TMPRSS11F: variants seen among roughly 807,000 people sequenced by gnomAD.
TMPRSS11F encodes the protein transmembrane serine protease 11F.
In TMPRSS11F, 47 loss-of-function variants were observed where a neutral mutation model predicts 60.2. The observed-to-expected ratio is 0.78, with a 90% CI of 0.62 to 1.00. The LOEUF is 1.00. Among genes scored for constraint, TMPRSS11F ranks in the 50% least tolerant of loss-of-function variants. TMPRSS11F has a pLI of 0.00. For missense variants in TMPRSS11F, 519 were observed against 522.9 expected (o/e 0.99, Z 0.07); for synonymous variants, 166 against 167.3 (o/e 0.99, Z 0.06).
intron 8 of TMPRSS11F, chr4:68,062,572 A>G: frequency 1.2e-6 from 1 of 844,654 alleles, no homozygotes; most frequent in Non-Finnish European, 2.1e-6. Flanking sequence ...CCTGCCATCT[A>G]CGTACTTGCC....
intron 9 of TMPRSS11F, among the ~76,000 whole-genome samples, chr4:68,058,822 C>T (rs1723097381): frequency 1.3e-5 from 2 of 152,136 alleles, no homozygotes; most frequent in African/African-American, 4.8e-5. Flanking sequence ...AAGGAAGATG[C>T]AAATGAGCAC....
intron 3 of TMPRSS11F, among the ~76,000 whole-genome samples, chr4:68,074,913 A>G (rs752658132): frequency 6.6e-6 from 1 of 152,212 alleles, no homozygotes; most frequent in African/African-American, 2.4e-5. Flanking sequence ...CCTGGGCAAC[A>G]TGGCAAACTC....
intron 1 of TMPRSS11F, among the ~76,000 whole-genome samples, chr4:68,105,809 CAAAATGACGTCTAG>C (rs1263832735): frequency 1.3e-5 from 2 of 152,128 alleles, no homozygotes; most frequent in Non-Finnish European, 2.9e-5. Context: ...GCAAAATGAA[CAAAATGACGTCTAG>C]AAGCATAAAC....
intron 3 of TMPRSS11F, among the ~76,000 whole-genome samples, chr4:68,076,831 C>T (rs1723593447): frequency 6.6e-6 from 1 of 152,216 alleles, no homozygotes; most frequent in Non-Finnish European, 1.5e-5. Context: ...CGAGCAAAAA[C>T]AGGCATCACT....
intron 9 of TMPRSS11F, among the ~76,000 whole-genome samples, chr4:68,054,441 A>G (rs1323194741): frequency 1.3e-5 from 2 of 152,016 alleles, no homozygotes; most frequent in African/African-American, 2.4e-5. Flanking sequence ...AAATGCTGTC[A>G]CCTTGATTGT....
chr4:68,084,905 C>A (rs1190997081), intron 3 of TMPRSS11F, among the ~76,000 whole-genome samples: 2 of 131,658 alleles, frequency 1.5e-5, no homozygotes, highest in Non-Finnish European at 3.2e-5. Context: ...CCACCACAGT[C>A]CCCAGAGTGT....
chr4:68,062,978 G>T (rs1723227617), intron 8 of TMPRSS11F: 4 of 710,874 alleles, frequency 5.6e-6, no homozygotes, highest in Admixed American at 1.8e-5. Flanking sequence ...GTCTTCGAGA[G>T]ACTGACATGC....
At chr4:68,079,420 A>C (rs1050278916) in intron 3 of TMPRSS11F, among the ~76,000 whole-genome samples, 1 of 152,138 alleles carries the variant, frequency 6.6e-6, no homozygotes, top group African/African-American at 2.4e-5. Flanking sequence ...TGGTGAAAGA[A>C]ACCCTTAAAG....
chr4:68,067,017 C>A (rs923325118), intron 7 of TMPRSS11F, among the ~76,000 whole-genome samples: 3 of 151,892 alleles, frequency 2.0e-5, no homozygotes, highest in African/African-American at 7.2e-5. Flanking sequence ...CAACAGTATA[C>A]CACATTGTGT....
intron 1 of TMPRSS11F, among the ~76,000 whole-genome samples, chr4:68,118,931 G>A (rs1182006009): frequency 6.6e-6 from 1 of 152,098 alleles, no homozygotes; most frequent in Non-Finnish European, 1.5e-5. Flanking sequence ...AAATAATTAA[G>A]CTTAATGAAA....
In TMPRSS11F at chr4:68,114,191, C is replaced by T. The variant is rs1030535787; in HGVS notation, c.12-15153G>A. Among the ~76,000 whole-genome samples, 11 of 151,784 alleles carry T rather than the reference C, an allele frequency of 7.2e-5. No individual in the cohort carries two copies. The South Asian group carries it at 1.2e-3, about 17-fold the overall frequency. ...AACAAGAAAACAATAATCAACCCTA[C>T]CTTAAGACACTGGGAAAAAGCAGAG... On this transcript the variant is annotated intron_variant, in intron 1 of 9. Transcript: ENST00000356291.
intron 3 of TMPRSS11F, among the ~76,000 whole-genome samples, chr4:68,089,767 C>A (rs540038052): frequency 6.6e-6 from 1 of 152,152 alleles, no homozygotes; most frequent in South Asian, 2.1e-4. Flanking sequence ...TAAAGTTCTC[C>A]TATTTTATTA....
At chr4:68,057,667 A>C (rs917638585) in intron 9 of TMPRSS11F, among the ~76,000 whole-genome samples, 1 of 152,218 alleles carries the variant, frequency 6.6e-6, no homozygotes. Flanking sequence ...CAAAAAACAA[A>C]ACAAACAAAA....
chr4:68,062,674 C>T, intron 8 of TMPRSS11F: 1 of 762,048 alleles, frequency 1.3e-6, no homozygotes, highest in Non-Finnish European at 2.4e-6. Flanking sequence ...TCTTTCTTCT[C>T]ATGCTGCTTT....
At chr4:68,068,044 A>AT (rs1723366861) in intron 7 of TMPRSS11F, among the ~76,000 whole-genome samples, 1 of 152,096 alleles carries the variant, frequency 6.6e-6, no homozygotes, top group African/African-American at 2.4e-5. Flanking sequence ...AAACAGAGAG[A>AT]TTTTGCTGGG....
At chr4:68,115,877 T>G (rs1428076107) in intron 1 of TMPRSS11F, among the ~76,000 whole-genome samples, 1 of 152,138 alleles carries the variant, frequency 6.6e-6, no homozygotes, top group Non-Finnish European at 1.5e-5. Flanking sequence ...ACCTTAAAAA[T>G]TGAGAGAGAT....
At chr4:68,090,770 G>A in intron 2 of TMPRSS11F, 129 bp from the exon 3 acceptor site, 1 of 1,424,276 alleles carries the variant, frequency 7.0e-7, no homozygotes, top group Non-Finnish European at 9.3e-7. Context: ...AAAAATTCTT[G>A]AAGACACTTC....
chr4:68,058,073 G>A (rs560991061), intron 9 of TMPRSS11F, among the ~76,000 whole-genome samples: 138 of 152,256 alleles, frequency 9.1e-4, no homozygotes, highest in African/African-American at 2.4e-3. Context: ...GTGAGCCTAG[G>A]CGGGTGGAGA....
chr4:68,062,243 C>A, intron 8 of TMPRSS11F: 1 of 412,540 alleles, frequency 2.4e-6, no homozygotes, highest in East Asian at 7.0e-5. Flanking sequence ...AAATTACCGG[C>A]TCTTTTGCTA....
Sources: allele counts gnomAD v4.1 joint callset (sites outside exome capture counted in the v4.1 genomes callset), GRCh38; gene constraint gnomAD v4.1.1; transcripts MANE v1.5; gene names NCBI Gene and HGNC (gene_info 2026-07-23, HGNC 2026-07-21).